The following ZP4 variants were observed in gnomAD, a reference collection of about 807,000 sequenced individuals.
The protein encoded by ZP4 is zona pellucida glycoprotein 4, also known as zona pellucida sperm-binding protein 4.
In ZP4, 62 loss-of-function variants were observed where a neutral mutation model predicts 62.3. The ratio of observed to expected loss-of-function variants is 0.99; its 90% CI spans 0.81 to 1.23. The LOEUF (loss-of-function observed/expected upper bound fraction) is 1.23, where lower values mean the gene tolerates loss of function less well. Among genes scored for constraint, ZP4 ranks in the 50% most tolerant of loss-of-function variants. The pLI, the probability that ZP4 is intolerant of heterozygous loss-of-function variation, is 0.00. For missense variants in ZP4, 774 were observed against 656.0 expected, an observed-to-expected ratio of 1.18 and a Z score of -1.97; for synonymous variants, 289 against 247.3, an observed-to-expected ratio of 1.17 and a Z score of -1.58.
At chr1:237,882,893 A>G in intron 10 of ZP4, 47 bp from the exon 11 acceptor site, 1 of 1,535,940 alleles carries the variant, frequency 6.5e-7, no homozygotes, top group Non-Finnish European at 9.0e-7. Flanking sequence ...TTGCACACAT[A>G]GGGCAGGGAT....
intron 4 of ZP4, 133 bp from the exon 5 acceptor site, chr1:237,887,694 G>A (rs997015399): frequency 3.8e-5 from 34 of 895,870 alleles, no homozygotes; most frequent in Non-Finnish European, 5.5e-5. Context: ...CAACCTCAGT[G>A]CAAGATCAAC....
At position 237,888,404 on chromosome 1, in the gene ZP4, A is replaced by T; in HGVS notation, c.507T>A (p.Cys169Ter). 6.2e-7 allele frequency: 1 copy of T among 1,607,894 alleles called. No homozygotes were observed. Among genetic ancestry groups the T allele is most frequent in the Non-Finnish European group, 8.5e-7 (1 of 1,175,722 alleles). ...AATTCACCTCTTCAGAGCTATAACA[A>T]CAGCCTAGCCCTTCACAGTCTCCTC... ...ISRGDCEGLG[C>*]CYSSEEVNSC... The change falls in exon 4 of 12, where the codon TGT (cysteine) becomes TGA (stop). Residue 169 changes from cysteine (C) to a stop codon, truncating the protein, a stop_gained. Coordinates refer to ENST00000366570, the MANE Select transcript of ZP4 (RefSeq NM_021186.5). LOFTEE classifies it high-confidence loss of function.
chr1:237,888,257 G>C, intron 4 of ZP4, 101 bp downstream of exon 4: 1 of 1,280,368 alleles, frequency 7.8e-7, no homozygotes, highest in African/African-American at 1.5e-5. Context: ...ATGGCAGCCT[G>C]CTATCACTTG....
intron 1 of ZP4, 69 bp from the exon 2 acceptor site, chr1:237,890,245 T>G: frequency 3.1e-6 from 5 of 1,608,068 alleles, no homozygotes; most frequent in Non-Finnish European, 4.2e-6. Flanking sequence ...ATAGTCAGCC[T>G]TGCCATTAGA....
rs764133810 is a variant in ZP4 at position 237,882,797 on chromosome 1, A to G, written c.1440T>C (p.Ser480=). ...NSSQNTTASV[S]SKGPMILLQA... ...GGAGTAGAATCATGGGGCCTTTGCT[A>G]GAAACACTAGCAGTAGTGTTCTGAG... Residue 480 remains serine (S), a synonymous_variant, in exon 11 of 12, where the codon TCT becomes TCC. Transcript: ENST00000366570. 2 of 1,614,174 alleles carry G rather than the reference A, an allele frequency of 1.2e-6. No homozygotes were observed. The highest frequency in any genetic ancestry group is 1.7e-6 in the Non-Finnish European group (2 of 1,180,022).
At chr1:237,887,610 G>C (rs1203678833) in intron 4 of ZP4, 49 bp from the exon 5 acceptor site, 1 of 1,564,818 alleles carries the variant, frequency 6.4e-7, no homozygotes, top group Non-Finnish European at 8.7e-7. Flanking sequence ...CCCATTGTGG[G>C]GAGAACCAGA....
rs747606232 is a variant in ZP4, at chr1:237,890,057, A to C, written c.295T>G (p.Trp99Gly). 3.1e-6 allele frequency: 5 copies of C among 1,613,878 alleles called. No individual in the cohort carries two copies. In the Admixed American group the frequency reaches 6.7e-5, roughly 22 times the overall value. Reference protein sequence around the residue: ...ATYSSCYVTEWDSHYIMPVGV... With the variant: ...ATYSSCYVTEGDSHYIMPVGV... ...CCTGGCCATTGGGTCATACTCACCC[A>C]CTCAGTGACATAGCAGCTGCTATAG... is the stretch of plus-strand genomic sequence containing the variant. The change falls in exon 2 of 12, where the codon TGG becomes GGG. Residue 99 changes from tryptophan (W) to glycine (G), a missense_variant and splice_region_variant. Coordinates refer to ENST00000366570, the MANE Select transcript of ZP4 (RefSeq NM_021186.5).
intron 4 of ZP4, 105 bp downstream of exon 4, chr1:237,888,253 G>T: frequency 8.0e-7 from 1 of 1,242,968 alleles, no homozygotes; most frequent in Non-Finnish European, 1.1e-6. Flanking sequence ...CTACATGGCA[G>T]CCTGCTATCA....
In ZP4 at chr1:237,887,429, G is replaced by T. The variant is rs763429007; in HGVS notation, c.686C>A (p.Thr229Lys). 5.6e-6 allele frequency: 9 copies of T among 1,614,214 alleles called. No individual in the cohort carries two copies. Among genetic ancestry groups the T allele is most frequent in the East Asian group, 2.2e-5 (1 of 44,880 alleles). Residue 229 changes from threonine (T) to lysine (K), a missense_variant, in exon 5 of 12, where the codon ACA (threonine) becomes AAA (lysine). By Grantham distance (78) the Thr-to-Lys change is moderately conservative. Transcript: ENST00000366570. ...AAACTGGAACAGAACAAAAGCTTGT[G>T]TTGCCATCACAGGGTTACACGCACT... The part of the protein sequence containing the change: ...NDSACNPVMA[T>K]QAFVLFQFPF...
Position 237,883,973 on chromosome 1 carries a change from CACACACACAA to C in ZP4, c.1390+786_1390+795del, listed in dbSNP as rs1283955205. On this transcript the variant is annotated intron_variant, in intron 10 of 11. Coordinates refer to ENST00000366570, the MANE Select transcript of ZP4 (RefSeq NM_021186.5). ...AGAACTGGTCACACACACAAACACACACACACACAAACACACACACACACACACACACACA... is the reference window on the plus strand; with the variant it reads ...AGAACTGGTCACACACACAAACACACACACACACACACACACACACACACA... Among the ~76,000 whole-genome samples the C allele has an allele frequency of 3.7e-3, 228 of 61,048 alleles. 2 individuals carry two copies. The highest frequency in any genetic ancestry group is 0.015 in the African/African-American group (171 of 11,692). The allele number at this position is 61,048 out of a possible 152,430, so 40.0% of individuals were successfully genotyped here.
At position 237,887,644 on chromosome 1, in the gene ZP4, T is replaced by C. The variant is rs900114458; in HGVS notation, c.554-83A>G. On this transcript the variant is annotated intron_variant, in intron 4 of 11. Coordinates refer to ENST00000366570, the MANE Select transcript of ZP4 (RefSeq NM_021186.5). ...GATGAAAGTCTAACCACTTAGTTACTTTTAATCCCACTGAGAAGCTGGTGA... is the reference window on the plus strand; with the variant it reads ...GATGAAAGTCTAACCACTTAGTTACCTTTAATCCCACTGAGAAGCTGGTGA... 5 of 1,418,142 alleles carry C rather than the reference T, an allele frequency of 3.5e-6. No individual in the cohort carries two copies. The African/African-American group carries it at 7.1e-5, about 20-fold the overall frequency. The allele number at this position is 1,418,142 out of a possible 1,614,324, so 87.8% of individuals were successfully genotyped here. A position where few individuals can be genotyped will look rare whatever the true frequency, so the allele number is the denominator to read the frequency against.
At position 237,884,801 on chromosome 1, in the gene ZP4, G is replaced by A. The variant is rs143904065; in HGVS notation, c.1358C>T (p.Pro453Leu). The A allele has an allele frequency of 4.5e-4, 732 of 1,613,652 alleles. 1 individual carries two copies. The highest frequency in any genetic ancestry group is 5.9e-4 in the Non-Finnish European group (693 of 1,179,886). Reference sequence around the variant, plus strand: ...ATCAGGACAGGTCACCACACAGGATGGTGTCTCAGCAGGCTGGCAGACTGA... The same window carrying A: ...ATCAGGACAGGTCACCACACAGGATAGTGTCTCAGCAGGCTGGCAGACTGA... ...SVSVCQPAET[P>L]SCVVTCPDLS... Residue 453 changes from proline to leucine, a missense_variant, in exon 10 of 12, where the codon CCA (proline) becomes CTA (leucine). Physicochemically the swap from Pro to Leu is moderately conservative, Grantham distance 98 (BLOSUM62 -3). Transcript: ENST00000366570.
intron 3 of ZP4, among the ~76,000 whole-genome samples, chr1:237,889,610 G>T (rs1353367743): frequency 6.6e-6 from 1 of 152,138 alleles, no homozygotes; most frequent in African/African-American, 2.4e-5. Context: ...ACTGTGCCTG[G>T]CCAGCAGTAG....
intron 6 of ZP4, 80 bp downstream of exon 6, chr1:237,886,691 A>C (rs1665109470): frequency 8.5e-7 from 1 of 1,171,360 alleles, no homozygotes; most frequent in Non-Finnish European, 1.2e-6. Context: ...TTGCTGAGGA[A>C]TGCTCATTTG....
At chr1:237,888,713 A>G (rs886233136) in intron 3 of ZP4, among the ~76,000 whole-genome samples, 1 of 152,230 alleles carries the variant, frequency 6.6e-6, no homozygotes, top group Admixed American at 6.5e-5. Flanking sequence ...TCACCTTGTA[A>G]GAGTGCCCTG....
At position 237,887,387 on chromosome 1, in the gene ZP4, C is replaced by T; in HGVS notation, c.728G>A (p.Gly243Asp). ...CCAACTGCTCACCTGTCTTGTGGTG[C>T]CACAGGAAGTAAATGGAAACTGGAA... ...VLFQFPFTSC[G>D]TTRQITGDRA... The change falls in exon 5 of 12, where the codon GGC becomes GAC. Residue 243 changes from glycine to aspartate, a missense_variant. Coordinates refer to ENST00000366570, the MANE Select transcript of ZP4 (RefSeq NM_021186.5). 6.2e-7 allele frequency: 1 copy of T among 1,613,826 alleles called. No individual in the cohort carries two copies. Among genetic ancestry groups the T allele is most frequent in the Non-Finnish European group, 8.5e-7 (1 of 1,179,906 alleles).
At chr1:237,887,878 G>A (rs1665142922) in intron 4 of ZP4, among the ~76,000 whole-genome samples, 1 of 110,838 alleles carries the variant, frequency 9.0e-6, no homozygotes. Flanking sequence ...TCTTGGAATA[G>A]CGTGTGCGAT....
Position 237,885,161 on chromosome 1 carries a change from C to T in ZP4, c.1311+4G>A, listed in dbSNP as rs1665066035. 1 of 1,612,546 alleles carries T rather than the reference C, an allele frequency of 6.2e-7. No homozygotes were observed. The highest frequency in any genetic ancestry group is 8.5e-7 in the Non-Finnish European group (1 of 1,179,298). On this transcript the variant is annotated splice_donor_region_variant and intron_variant, in intron 9 of 11. Transcript: ENST00000366570. ...GGTGAGTGTCATGGAAGGGAACATCCTACCGGTCCCCTGAGGGCCTGTTTC... is the reference window on the plus strand; with the variant it reads ...GGTGAGTGTCATGGAAGGGAACATCTTACCGGTCCCCTGAGGGCCTGTTTC...
intron 9 of ZP4, 62 bp downstream of exon 9, chr1:237,885,103 A>G (rs1364521511): frequency 1.1e-5 from 17 of 1,580,510 alleles, no homozygotes; most frequent in South Asian, 1.1e-4. Flanking sequence ...TAGGACATGG[A>G]AACAGTTGTA....
Sources: gnomAD v4.1 joint callset for allele counts (sites outside exome capture counted in the v4.1 genomes callset) on GRCh38, gnomAD v4.1.1 for gene constraint, MANE v1.5 for transcripts, NCBI Gene and HGNC (gene_info 2026-07-23, HGNC 2026-07-21) for gene names.